Variants in SORBS3 observed in about 807,000 individuals in gnomAD.
SORBS3 encodes the protein sorbin and SH3 domain containing 3.
Under a neutral mutation model 98.0 loss-of-function variants are expected in SORBS3, and 69 were observed. The observed-to-expected ratio is 0.70, with a 90% CI of 0.58 to 0.86. SORBS3 has a LOEUF of 0.86. Ranked by LOEUF, SORBS3 falls within the 40% of genes least tolerant of loss-of-function variation. SORBS3 has a pLI of 0.00. For synonymous variants in SORBS3, 394 were observed against 355.4 expected (o/e 1.11, Z -1.22); for missense variants, 954 against 908.5 (o/e 1.05, Z -0.64).
chr8:22,571,446 C>T (rs1840582366), intron 18 of SORBS3, among the ~76,000 whole-genome samples: 1 of 152,168 alleles, frequency 6.6e-6, no homozygotes, highest in African/African-American at 2.4e-5. Flanking sequence ...CCGGCCCAGG[C>T]TCCTGACCCT....
upstream of SORBS3, among the ~76,000 whole-genome samples, chr8:22,549,387 G>C (rs543412372): frequency 6.6e-6 from 1 of 152,344 alleles, no homozygotes; most frequent in South Asian, 2.1e-4. Flanking sequence ...GAGGCAGCAA[G>C]GGGAGCTGAC....
chr8:22,556,374 G>C (rs542567534), intron 3 of SORBS3, among the ~76,000 whole-genome samples: 4 of 152,298 alleles, frequency 2.6e-5, no homozygotes, highest in African/African-American at 9.6e-5. Context: ...ATTCAAGTCT[G>C]TCCCCTCTAA....
chr8:22,554,047 A>G lies in SORBS3; in HGVS notation c.-55-405A>G, dbSNP rs948230538. 6.6e-6 allele frequency among the ~76,000 whole-genome samples: 1 copy of G among 152,096 alleles called. No homozygotes were observed. ...TGGGGGAGGCAGAGGGAACTGAAAC[A>G]AAGTCCTGTGTTCCCAGGCCCCCTC... On this transcript the variant is annotated intron_variant, in intron 1 of 20. Coordinates refer to ENST00000240123, the MANE Select transcript of SORBS3 (RefSeq NM_005775.5). The surrounding 1 kb of genome is among the most constrained non-coding windows in gnomAD (Gnocchi z 6.5).
chr8:22,570,882 C>T, intron 17 of SORBS3, 28 bp from the exon 18 acceptor site: 1 of 1,565,242 alleles, frequency 6.4e-7, no homozygotes, highest in South Asian at 1.2e-5. Context: ...CAGGAAGGCC[C>T]CACAGACACT....
At position 22,564,695 on chromosome 8, in the gene SORBS3, T is replaced by C. The variant is rs1228934054; in HGVS notation, c.816+174T>C. ...ACAGTGGCTGGCATACAGGAGGCGC[T>C]CAGTAAACATGTGTTAAATAAATAT... is the stretch of plus-strand genomic sequence containing the variant. On this transcript the variant is annotated intron_variant, in intron 10 of 20. Coordinates refer to ENST00000240123, the MANE Select transcript of SORBS3 (RefSeq NM_005775.5). 2.2e-6 allele frequency: 3 copies of C among 1,393,514 alleles called. No individual in the cohort carries two copies. The African/African-American group carries it at 4.4e-5, about 20-fold the overall frequency. The allele number at this position is 1,393,514 out of a possible 1,614,324, so 86.3% of individuals were successfully genotyped here.
rs750449103 is a variant in SORBS3, at chr8:22,564,064, A to G, written c.662A>G (p.Gln221Arg). The G allele has an allele frequency of 1.9e-6, 3 of 1,613,694 alleles. No homozygotes were observed. The highest frequency in any genetic ancestry group is 2.2e-5 in the South Asian group (2 of 91,094). The stretch of plus-strand genomic sequence containing the variant: ...CCTGGAGCATTCTCCACTGTGCTGC[A>G]GCCCTCAAATCAGGTAGCCCACCCA... ...YRPGAFSTVL[Q>R]PSNQVLRRRE... The change falls in exon 8 of 21, where the codon CAG becomes CGG. Residue 221 changes from glutamine to arginine, a missense_variant. Coordinates refer to ENST00000240123, the MANE Select transcript of SORBS3 (RefSeq NM_005775.5).
At position 22,569,156 on chromosome 8, in the gene SORBS3, C is replaced by T. The variant is rs777332788; in HGVS notation, c.1314C>T (p.Pro438=). Reference sequence around the variant, plus strand: ...GACCTTTCTTCATGCAGGTGCTGCCCGCAGATGAGATCCCTAAGCCCATCA... The same window carrying T: ...GACCTTTCTTCATGCAGGTGCTGCCTGCAGATGAGATCCCTAAGCCCATCA... The part of the protein sequence containing the change: ...IFPANYVEVL[P]ADEIPKPIKP... The change falls in exon 17 of 21, where the codon CCC becomes CCT. Residue 438 remains proline (P), a synonymous_variant. Transcript: ENST00000240123. 5.6e-6 allele frequency: 9 copies of T among 1,606,148 alleles called. No individual in the cohort carries two copies. Among genetic ancestry groups the T allele is most frequent in the South Asian group, 2.2e-5 (2 of 89,836 alleles).
At chr8:22,552,822 C>T (rs956725080) in intron 1 of SORBS3, among the ~76,000 whole-genome samples, 11 of 152,224 alleles carry the variant, frequency 7.2e-5, no homozygotes, top group African/African-American at 2.7e-4. Context: ...CAACTCCCCC[C>T]CGCAAGGGGA....
chr8:22,561,075 C>A, intron 5 of SORBS3: 1 of 435,504 alleles, frequency 2.3e-6, no homozygotes, highest in Non-Finnish European at 4.1e-6. Context: ...TGTGTGGGAA[C>A]AGGGAGGGAG....
chr8:22,555,345 C>T (rs933495358), intron 3 of SORBS3, among the ~76,000 whole-genome samples: 4 of 152,272 alleles, frequency 2.6e-5, no homozygotes, highest in African/African-American at 9.6e-5. Context: ...CTGTCCCATT[C>T]AGGCCCAACA....
Position 22,566,694 on chromosome 8 carries a change from C to T in SORBS3, c.1124C>T (p.Ala375Val). The change falls in exon 14 of 21, where the codon GCC (alanine) becomes GTC (valine). Residue 375 changes from alanine (A) to valine (V), a missense_variant. Ala to Val is a moderately conservative substitution (Grantham distance 64, BLOSUM62 0). Transcript: ENST00000240123. Reference sequence around the variant, plus strand: ...GCCTCTAACGGAGGGGGCAGCCCAGCCAGGAGGGAAGAGAAGAAGGTAAGG... The same window carrying T: ...GCCTCTAACGGAGGGGGCAGCCCAGTCAGGAGGGAAGAGAAGAAGGTAAGG... ...PSASNGGGSP[A>V]RREEKKRKAA... is the part of the protein sequence containing the mutation. 6.2e-7 allele frequency: 1 copy of T among 1,611,846 alleles called. No homozygotes were observed. The highest frequency in any genetic ancestry group is 8.5e-7 in the Non-Finnish European group (1 of 1,179,330).
At chr8:22,557,109 A>C (rs906153212) in intron 4 of SORBS3, among the ~76,000 whole-genome samples, 1 of 152,114 alleles carries the variant, frequency 6.6e-6, no homozygotes, top group Non-Finnish European at 1.5e-5. Context: ...GAGTTGCTCA[A>C]GTGGTTTGTG....
intron 20 of SORBS3, among the ~76,000 whole-genome samples, chr8:22,574,117 G>A (rs1840662073): frequency 6.6e-6 from 1 of 152,186 alleles, no homozygotes. Flanking sequence ...CAGAAGTGCT[G>A]GCTTTGGGGA....
At chr8:22,552,181 G>T (rs1051135843) in intron 1 of SORBS3, among the ~76,000 whole-genome samples, 159 bp downstream of exon 1, 1 of 152,244 alleles carries the variant, frequency 6.6e-6, no homozygotes, top group Non-Finnish European at 1.5e-5. Context: ...CGAAATTCAA[G>T]AAAAGCTGTC....
chr8:22,569,084 A>G, intron 16 of SORBS3, 64 bp from the exon 17 acceptor site: 1 of 1,469,662 alleles, frequency 6.8e-7, no homozygotes, highest in South Asian at 1.4e-5. Flanking sequence ...GTCTCACAGG[A>G]ACCCCCAGCC....
chr8:22,566,131 C>A lies in SORBS3; in HGVS notation c.951-214C>A, dbSNP rs548080954. The A allele has an allele frequency of 8.0e-5, 51 of 635,130 alleles. No individual in the cohort carries two copies. The African/African-American group carries it at 8.6e-4, about 11-fold the overall frequency. The allele number at this position is 635,130 out of a possible 1,614,324, so 39.3% of individuals were successfully genotyped here. A position where few individuals can be genotyped will look rare whatever the true frequency, so the allele number is the denominator to read the frequency against. On this transcript the variant is annotated intron_variant, in intron 12 of 20. Transcript: ENST00000240123. ...CAGCGCGGTTAGGGCGGCCCCGCCA[C>A]GGCCCAGGCACTCCCGCTGGGCCCT... is the stretch of plus-strand genomic sequence containing the variant.
rs1179637784 is a variant in SORBS3 at position 22,554,631 on chromosome 8, G to A, written c.102+23G>A. 1 of 1,602,710 alleles carries A rather than the reference G, an allele frequency of 6.2e-7. No individual in the cohort carries two copies. The highest frequency in any genetic ancestry group is 2.2e-5 in the East Asian group (1 of 44,496). Reference sequence around the variant, plus strand: ...CGGGTGAGTGAGTCAGTAGGGAGGAGGGTGTCCTGCGGGCCCGGAGTTGGT... The same window carrying A: ...CGGGTGAGTGAGTCAGTAGGGAGGAAGGTGTCCTGCGGGCCCGGAGTTGGT... On this transcript the variant is annotated intron_variant, in intron 2 of 20. Transcript: ENST00000240123. This position sits in a 1 kb window ranked among gnomAD's most constrained non-coding sequence, Gnocchi z 6.5.
At position 22,565,234 on chromosome 8, in the gene SORBS3, T is replaced by C; in HGVS notation, c.817-34T>C. On this transcript the variant is annotated intron_variant, in intron 10 of 20. Transcript: ENST00000240123. The stretch of plus-strand genomic sequence containing the variant: ...GCTGCCTCCCACCCCCACGGTGCGC[T>C]GCCCCTCACTGCCCAGCCTCTCCCC... 2.0e-6 allele frequency: 3 copies of C among 1,525,392 alleles called. 1 individual carries two copies. The highest frequency in any genetic ancestry group is 2.7e-6 in the Non-Finnish European group (3 of 1,124,404). The allele number at this position is 1,525,392 out of a possible 1,614,324, so 94.5% of individuals were successfully genotyped here.
upstream of SORBS3, among the ~76,000 whole-genome samples, chr8:22,550,556 G>A (rs766238172): frequency 6.6e-6 from 1 of 152,238 alleles, no homozygotes; most frequent in Non-Finnish European, 1.5e-5. Flanking sequence ...GCTTTCACAT[G>A]TGATGTTTCA....
Sources: allele counts gnomAD v4.1 joint callset (sites outside exome capture counted in the v4.1 genomes callset), GRCh38; gene constraint gnomAD v4.1.1; non-coding constraint Gnocchi (gnomAD v3.1); transcripts MANE v1.5; gene names NCBI Gene and HGNC (gene_info 2026-07-23, HGNC 2026-07-21).